The following TNRC6A variants were observed in gnomAD, a reference collection of about 807,000 sequenced individuals.
TNRC6A encodes the protein trinucleotide repeat-containing gene 6A protein.
TNRC6A carries 44 observed loss-of-function variants against 221.2 expected under a neutral mutation model. The observed-to-expected ratio is 0.20, with a 90% CI of 0.16 to 0.26. TNRC6A has a LOEUF of 0.26. Ranked by LOEUF, TNRC6A falls within the 10% of genes least tolerant of loss-of-function variation. The pLI is 1.00. For synonymous variants in TNRC6A, 847 were observed against 838.5 expected, an observed-to-expected ratio of 1.01 and a Z score of -0.18; for missense variants, 2,199 against 2,404.4, an observed-to-expected ratio of 0.91 and a Z score of 1.79.
intron 4 of TNRC6A, among the ~76,000 whole-genome samples, chr16:24,759,861 A>G (rs2057325905): frequency 6.6e-6 from 1 of 152,178 alleles, no homozygotes; most frequent in Non-Finnish European, 1.5e-5. Context: ...TGAACTTGGA[A>G]TGTCTAAGAC....
intron 4 of TNRC6A, among the ~76,000 whole-genome samples, chr16:24,767,051 G>A (rs75694464): frequency 1.3e-5 from 2 of 152,088 alleles, no homozygotes; most frequent in Non-Finnish European, 2.9e-5. Context: ...GTTTTATTTA[G>A]CAGTTTACTT....
At chr16:24,702,148 T>C (rs1289331144) in intron 2 of TNRC6A, among the ~76,000 whole-genome samples, 1 of 147,592 alleles carries the variant, frequency 6.8e-6, no homozygotes, top group African/African-American at 2.5e-5. Flanking sequence ...ACATTTCGCG[T>C]GTAAACTCTT....
Position 24,824,154 on chromosome 16 carries a change from C to T in TNRC6A, c.*347C>T, listed in dbSNP as rs1043625. ...CCCCCCCCCGCCCCTTTTTTTCTCTCTTGCAAAACCATTTTTTGGGCTGAT... is the reference window on the plus strand; with the variant it reads ...CCCCCCCCCGCCCCTTTTTTTCTCTTTTGCAAAACCATTTTTTGGGCTGAT... On this transcript the variant is annotated 3_prime_UTR_variant, in exon 25 of 25. Coordinates refer to ENST00000395799, the MANE Select transcript of TNRC6A (RefSeq NM_014494.4). 1.6e-5 allele frequency: 2 copies of T among 126,976 alleles called. No individual in the cohort carries two copies. The highest frequency in any genetic ancestry group is 7.2e-5 in the African/African-American group (2 of 27,878). 7.9% of individuals were successfully genotyped at this position (126,976 alleles called of 1,614,324 possible).
chr16:24,627,261 G>A (rs912297997), intron 1 of TNRC6A, among the ~76,000 whole-genome samples: 3 of 152,010 alleles, frequency 2.0e-5, no homozygotes, highest in Non-Finnish European at 4.4e-5. Flanking sequence ...CCCTACATCA[G>A]CCTCGATTGT....
chr16:24,749,983 T>TA (rs1371725951), intron 2 of TNRC6A, among the ~76,000 whole-genome samples: 1 of 152,086 alleles, frequency 6.6e-6, no homozygotes, highest in Non-Finnish European at 1.5e-5. Context: ...GTACTAAAAA[T>TA]ACAAAAATTA....
chr16:24,666,557 T>C (rs1353252585), intron 2 of TNRC6A, among the ~76,000 whole-genome samples: 1 of 141,720 alleles, frequency 7.1e-6, no homozygotes, highest in Non-Finnish European at 1.5e-5. Context: ...GAAAGATCAC[T>C]TGAGCCCCAG....
chr16:24,624,028 G>C, intron 1 of TNRC6A, among the ~76,000 whole-genome samples: 1 of 151,544 alleles, frequency 6.6e-6, no homozygotes, highest in South Asian at 2.1e-4. Context: ...CAGTGATGAA[G>C]CCAGCACTGG....
At chr16:24,669,130 C>G (rs1335152879) in intron 2 of TNRC6A, among the ~76,000 whole-genome samples, 2 of 152,014 alleles carry the variant, frequency 1.3e-5, no homozygotes, top group African/African-American at 4.8e-5. Context: ...GTGAGTGGTA[C>G]TCAGGACTAA....
rs374336000 is a variant in TNRC6A, at chr16:24,785,476, T to G, written c.590-3756T>G. 4.7e-4 allele frequency among the ~76,000 whole-genome samples: 72 copies of G among 152,372 alleles called. 1 individual carries two copies. In the South Asian group the frequency reaches 0.014, roughly 31 times the overall value. On this transcript the variant is annotated intron_variant, in intron 5 of 24. Transcript: ENST00000395799. ...CTGTTACTTTATGGCTGTTAATGAT[T>G]AAGATCTTTTCCCATCAACATTTTC...
chr16:24,730,805 C>T (rs2151162474), intron 2 of TNRC6A, among the ~76,000 whole-genome samples: 1 of 123,076 alleles, frequency 8.1e-6, no homozygotes, highest in Admixed American at 1.1e-4. Context: ...CAGTTTTGTC[C>T]TTGAACTTTA....
At chr16:24,685,838 T>G (rs2055616142) in intron 2 of TNRC6A, among the ~76,000 whole-genome samples, 2 of 152,218 alleles carry the variant, frequency 1.3e-5, no homozygotes, top group Non-Finnish European at 1.5e-5. Flanking sequence ...AAATGAGTTC[T>G]AGATCCAAAA....
intron 5 of TNRC6A, among the ~76,000 whole-genome samples, chr16:24,779,910 C>T (rs1216148923): frequency 6.6e-6 from 1 of 152,160 alleles, no homozygotes; most frequent in Non-Finnish European, 1.5e-5. Context: ...GACAACTCTG[C>T]AGACCAGCCC....
At chr16:24,730,364 CT>C in intron 2 of TNRC6A, 64 bp downstream of exon 2, 1 of 1,569,236 alleles carries the variant, frequency 6.4e-7, no homozygotes. Flanking sequence ...TCCGATTCGC[CT>C]TTTCTGGGTT....
intron 2 of TNRC6A, among the ~76,000 whole-genome samples, chr16:24,682,804 G>A (rs1006217934): frequency 1.4e-4 from 21 of 152,064 alleles, no homozygotes; most frequent in Non-Finnish European, 2.6e-4. Context: ...TCATCTTCTG[G>A]GGCTCCCTAT....
Position 24,625,341 on chromosome 16 carries a change from C to T in TNRC6A, n.276+14857C>T, listed in dbSNP as rs546562467. On this transcript the variant is annotated intron_variant and non_coding_transcript_variant, in intron 1 of 2. Transcript: ENST00000566108. ...TTAAAACCCCATGCCAGGCCGGGTG[C>T]GGCAGCTCACGCCTGTAATCCCAGC... is the stretch of plus-strand genomic sequence containing the variant. Among the ~76,000 whole-genome samples the T allele has an allele frequency of 8.5e-5, 13 of 152,280 alleles. No individual in the cohort carries two copies. The South Asian group carries it at 2.3e-3, about 27-fold the overall frequency.
At chr16:24,679,417 C>A (rs553040726) in intron 2 of TNRC6A, among the ~76,000 whole-genome samples, 1 of 152,248 alleles carries the variant, frequency 6.6e-6, no homozygotes, top group South Asian at 2.1e-4. Flanking sequence ...GATCTTCCCA[C>A]CTGAGCCTAC....
chr16:24,745,495 A>T (rs2056986014), intron 2 of TNRC6A, among the ~76,000 whole-genome samples: 1 of 152,164 alleles, frequency 6.6e-6, no homozygotes, highest in Non-Finnish European at 1.5e-5. Flanking sequence ...GAAGATGTAA[A>T]GTGTATTTTT....
intron 1 of TNRC6A, among the ~76,000 whole-genome samples, chr16:24,621,991 A>C (rs781607787): frequency 2.0e-5 from 3 of 152,236 alleles, no homozygotes; most frequent in Non-Finnish European, 4.4e-5. Flanking sequence ...TTATCTTCCT[A>C]GTGTCTCCAA....
intron 1 of TNRC6A, among the ~76,000 whole-genome samples, chr16:24,612,107 G>A (rs1226375477): frequency 6.6e-6 from 1 of 151,940 alleles, no homozygotes; most frequent in Non-Finnish European, 1.5e-5. Flanking sequence ...AAAATAAAAT[G>A]AAATAAAATA....
Sources: gnomAD v4.1 joint callset for allele counts (sites outside exome capture counted in the v4.1 genomes callset) on GRCh38, gnomAD v4.1.1 for gene constraint, MANE v1.5 for transcripts, NCBI Gene and HGNC (gene_info 2026-07-23, HGNC 2026-07-21) for gene names.